Variants in ACADL observed in about 807,000 individuals in gnomAD.
The protein encoded by ACADL is long-chain specific acyl-CoA dehydrogenase, mitochondrial.
A neutral mutation model predicts 56.9 loss-of-function variants in ACADL; 60 were observed. The ratio of observed to expected loss-of-function variants is 1.05; its 90% CI spans 0.86 to 1.31. ACADL has a LOEUF of 1.31. Ranked by LOEUF, ACADL falls within the 50% of genes most tolerant of loss-of-function variation. ACADL has a pLI of 0.00. For missense variants in ACADL, 484 were observed against 525.5 expected, an observed-to-expected ratio of 0.92 and a Z score of 0.77; for synonymous variants, 158 against 179.7, an observed-to-expected ratio of 0.88 and a Z score of 0.97.
At chr2:210,215,974 G>T (rs1194953958) in intron 4 of ACADL, among the ~76,000 whole-genome samples, 1 of 152,072 alleles carries the variant, frequency 6.6e-6, no homozygotes, top group Non-Finnish European at 1.5e-5. Flanking sequence ...CATTCCTATT[G>T]TATCAACTCT....
chr2:210,214,509 A>G (rs895436808), intron 4 of ACADL, among the ~76,000 whole-genome samples: 49 of 18,896 alleles, frequency 2.6e-3, no homozygotes, highest in African/African-American at 3.8e-3. Flanking sequence ...GAAAGAAAGA[A>G]AAAGAAAGAA....
At chr2:210,199,210 T>C (rs1174526156) in intron 8 of ACADL, among the ~76,000 whole-genome samples, 4 of 152,136 alleles carry the variant, frequency 2.6e-5, no homozygotes, top group Non-Finnish European at 4.4e-5. Flanking sequence ...AATATACTCC[T>C]AGCTTGAAAT....
intron 5 of ACADL, among the ~76,000 whole-genome samples, chr2:210,209,168 T>C (rs1215387219): frequency 2.6e-5 from 4 of 152,252 alleles, no homozygotes; most frequent in Non-Finnish European, 5.9e-5. Context: ...GATTCAATTT[T>C]GTAAATACAG....
chr2:210,217,197 G>A (rs1408391557), intron 3 of ACADL, among the ~76,000 whole-genome samples: 1 of 152,048 alleles, frequency 6.6e-6, no homozygotes, highest in Non-Finnish European at 1.5e-5. Context: ...AGCATTTGGA[G>A]AACTGTGACC....
chr2:210,189,223 T>TA (rs11403691), intron 10 of ACADL, among the ~76,000 whole-genome samples, 169 bp from the exon 11 acceptor site: 127,261 of 151,898 alleles, frequency 0.84, 54,453 homozygotes, highest in East Asian at 1. Context: ...GGAATAATAG[T>TA]AAAAAAAACT....
At chr2:210,210,413 A>G (rs1688959711) in intron 4 of ACADL, 151 bp from the exon 5 acceptor site, 2 of 599,632 alleles carry the variant, frequency 3.3e-6, no homozygotes, top group African/African-American at 3.7e-5. Flanking sequence ...ATTGCACTGA[A>G]AAACCATGCT....
At position 210,220,853 on chromosome 2, in the gene ACADL, A is replaced by G. The variant is rs1689165629; in HGVS notation, c.78-51T>C. 2.9e-6 allele frequency: 4 copies of G among 1,391,728 alleles called. No individual in the cohort carries two copies. In the East Asian group the frequency reaches 7.5e-5, roughly 26 times the overall value. 86.2% of individuals were successfully genotyped at this position (1,391,728 alleles called of 1,614,324 possible). A position where few individuals can be genotyped will look rare whatever the true frequency, so the allele number is the denominator to read the frequency against. On this transcript the variant is annotated intron_variant, in intron 1 of 10. Transcript: ENST00000233710. Reference sequence around the variant, plus strand: ...AAAAGTAAGTGAATTGTTACTCTTCATATCCAAATTAGTGCCACTGAACAA... The same window carrying G: ...AAAAGTAAGTGAATTGTTACTCTTCGTATCCAAATTAGTGCCACTGAACAA...
chr2:210,195,156 G>A (rs1392825308), intron 9 of ACADL, 55 bp downstream of exon 9: 1 of 1,611,160 alleles, frequency 6.2e-7, no homozygotes, highest in Non-Finnish European at 8.5e-7. Context: ...AAAATTGGCA[G>A]AATTCCATAT....
chr2:210,213,469 C>T (rs1689022712), intron 4 of ACADL, among the ~76,000 whole-genome samples: 1 of 151,924 alleles, frequency 6.6e-6, no homozygotes, highest in African/African-American at 2.4e-5. Context: ...CATTGCACTC[C>T]AGCCTGGGTG....
rs1011940144 is a variant in ACADL at position 210,188,205 on chromosome 2, C to G, written c.*756G>C. ...AAGTTAATAAATACATTAACTGTTGCAAAAGAAAAGCCATTGCTTTGATAC... is the reference window on the plus strand; with the variant it reads ...AAGTTAATAAATACATTAACTGTTGGAAAAGAAAAGCCATTGCTTTGATAC... On this transcript the variant is annotated 3_prime_UTR_variant, in exon 11 of 11. Transcript: ENST00000233710. The G allele has an allele frequency of 6.6e-5, 10 of 152,074 alleles. No homozygotes were observed. Among genetic ancestry groups the G allele is most frequent in the Non-Finnish European group, 1.3e-4 (9 of 68,012 alleles). The allele number at this position is 152,074 out of a possible 1,614,324, so 9.4% of individuals were successfully genotyped here.
intron 1 of ACADL, among the ~76,000 whole-genome samples, chr2:210,222,174 T>C (rs560604321): frequency 6.6e-6 from 1 of 152,298 alleles, no homozygotes; most frequent in South Asian, 2.1e-4. Context: ...AACAAAGGAC[T>C]AAGATGAGGA....
intron 4 of ACADL, among the ~76,000 whole-genome samples, chr2:210,215,532 C>T (rs774353797): frequency 6.6e-6 from 1 of 152,156 alleles, no homozygotes; most frequent in African/African-American, 2.4e-5. Context: ...ATATAATGCC[C>T]AGATTTTCCT....
At chr2:210,214,664 A>C (rs540045799) in intron 4 of ACADL, among the ~76,000 whole-genome samples, 4 of 152,340 alleles carry the variant, frequency 2.6e-5, no homozygotes, top group African/African-American at 9.6e-5. Flanking sequence ...GAGATAAATC[A>C]AGATTTCATT....
intron 8 of ACADL, among the ~76,000 whole-genome samples, chr2:210,201,220 C>A (rs899910970): frequency 5.3e-5 from 8 of 152,128 alleles, no homozygotes; most frequent in Non-Finnish European, 1.0e-4. Flanking sequence ...GCTCGCAGGA[C>A]TTTCTTTCAC....
At chr2:210,203,899 G>C (rs185863466) in intron 7 of ACADL, among the ~76,000 whole-genome samples, 4 of 152,246 alleles carry the variant, frequency 2.6e-5, no homozygotes, top group African/African-American at 9.6e-5. Flanking sequence ...TCACATGTGA[G>C]TTAAAAACAA....
chr2:210,191,274 T>A (rs1240674476), intron 10 of ACADL, among the ~76,000 whole-genome samples: 1 of 152,180 alleles, frequency 6.6e-6, no homozygotes, highest in Non-Finnish European at 1.5e-5. Context: ...AGTTTAAAAA[T>A]TGATACAATC....
At chr2:210,207,381 G>T (rs570112770) in intron 5 of ACADL, among the ~76,000 whole-genome samples, 101 of 152,188 alleles carry the variant, frequency 6.6e-4, no homozygotes, top group African/African-American at 2.2e-3. Flanking sequence ...CTTATTGCTT[G>T]TCCCACTTTC....
At position 210,210,206 on chromosome 2, in the gene ACADL, T is replaced by C; in HGVS notation, c.593A>G (p.Asn198Ser). ...AKKDGSDWIL[N>S]GSKVFISNGS... is the part of the protein sequence containing the mutation. The stretch of plus-strand genomic sequence containing the variant: ...TCCTTTTTTACACACCTTGCTTCCA[T>C]TGAGAATCCAGTCACTTCCATCCTT... The change falls in exon 5 of 11, where the codon AAT (asparagine) becomes AGT (serine). Residue 198 changes from asparagine (N) to serine (S), a missense_variant. By Grantham distance (46) the Asn-to-Ser change is conservative (BLOSUM62 1). Transcript: ENST00000233710. 6.2e-7 allele frequency: 1 copy of C among 1,612,460 alleles called. No homozygotes were observed. The highest frequency in any genetic ancestry group is 8.5e-7 in the Non-Finnish European group (1 of 1,178,696).
chr2:210,218,217 A>G, intron 2 of ACADL, 115 bp from the exon 3 acceptor site: 1 of 992,490 alleles, frequency 1.0e-6, no homozygotes, highest in African/African-American at 1.6e-5. Flanking sequence ...TAAGGTAGTT[A>G]TTTACATTAG....
Sources: gnomAD v4.1 joint callset for allele counts (sites outside exome capture counted in the v4.1 genomes callset) on GRCh38, gnomAD v4.1.1 for gene constraint, MANE v1.5 for transcripts, NCBI Gene and HGNC (gene_info 2026-07-23, HGNC 2026-07-21) for gene names.